The following SMAD3 variants were observed in gnomAD, a reference collection of about 807,000 sequenced individuals.
SMAD3 encodes MAD homolog 3.
Under a neutral mutation model 51.8 loss-of-function variants are expected in SMAD3, and 12 were observed. The observed-to-expected ratio is 0.23, with a 90% CI of 0.15 to 0.38. The LOEUF is 0.38. SMAD3 is among the 10% of genes least tolerant of loss of function. The probability of loss-of-function intolerance (pLI) is 1.00; values close to 1 mark genes in which losing one functional copy is unlikely to be tolerated. For synonymous variants in SMAD3, 238 were observed against 227.7 expected, an observed-to-expected ratio of 1.05 and a Z score of -0.41; for missense variants, 294 against 565.6, an observed-to-expected ratio of 0.52 and a Z score of 4.87.
intron 7 of SMAD3, among the ~76,000 whole-genome samples, chr15:67,185,698 C>T (rs150921507): frequency 2.6e-5 from 4 of 152,230 alleles, no homozygotes; most frequent in East Asian, 1.9e-4. Context: ...GACAGGGCCA[C>T]GCCTGGACAG....
chr15:67,115,772 G>A (rs1961121070), intron 1 of SMAD3, among the ~76,000 whole-genome samples: 1 of 152,246 alleles, frequency 6.6e-6, no homozygotes, highest in Admixed American at 6.5e-5. Context: ...GGATATAGTA[G>A]TGAGCAAAGA....
chr15:67,109,056 G>C (rs776140351), intron 1 of SMAD3, among the ~76,000 whole-genome samples: 2 of 152,168 alleles, frequency 1.3e-5, no homozygotes, highest in Non-Finnish European at 2.9e-5. Flanking sequence ...ATTCGTCTTC[G>C]TGTCTCTGGA....
chr15:67,065,629 C>A lies in SMAD3; in HGVS notation c.-526C>A, dbSNP rs1285500983. On this transcript the variant is annotated 5_prime_UTR_variant, in exon 1 of 9. Coordinates refer to ENST00000327367, the MANE Select transcript of SMAD3 (RefSeq NM_005902.4). ...AACACAGACTGGGAGCGGGCGGGAG[C>A]GGGAGCGCGGCGCACGCCCCGGGCC... Among the ~76,000 whole-genome samples the A allele has an allele frequency of 6.8e-6, 1 of 148,114 alleles. No homozygotes were observed. The highest frequency in any genetic ancestry group is 6.6e-5 in the Admixed American group (1 of 15,044).
intron 1 of SMAD3, among the ~76,000 whole-genome samples, chr15:67,155,475 A>G (rs1335526147): frequency 6.6e-6 from 1 of 152,226 alleles, no homozygotes; most frequent in Admixed American, 6.5e-5. Flanking sequence ...TGCGTATTAA[A>G]GAGCAGCAGA....
At chr15:67,072,228 G>T (rs150983206) in intron 1 of SMAD3, among the ~76,000 whole-genome samples, 3 of 152,134 alleles carry the variant, frequency 2.0e-5, no homozygotes, top group Non-Finnish European at 4.4e-5. Context: ...TGAACTGAGC[G>T]ACCATTAATT....
chr15:67,069,358 C>T (rs1960001137), intron 1 of SMAD3, among the ~76,000 whole-genome samples: 1 of 152,184 alleles, frequency 6.6e-6, no homozygotes, highest in Non-Finnish European at 1.5e-5. Flanking sequence ...CCTCTCATGC[C>T]TCACCTGCTT....
chr15:67,145,829 C>A (rs1393934868), intron 1 of SMAD3, among the ~76,000 whole-genome samples: 3 of 152,178 alleles, frequency 2.0e-5, no homozygotes, highest in Non-Finnish European at 4.4e-5. Flanking sequence ...CCTGTTGTTT[C>A]CACCGTGTCT....
intron 1 of SMAD3, among the ~76,000 whole-genome samples, chr15:67,066,723 G>A (rs146298603): frequency 0.019 from 2,906 of 152,232 alleles, 36 homozygotes; most frequent in Non-Finnish European, 0.03. Context: ...TCCGCGGGCC[G>A]GAGCCCCTCC....
intron 1 of SMAD3, among the ~76,000 whole-genome samples, chr15:67,095,899 A>G (rs1343712551): frequency 6.6e-6 from 1 of 152,186 alleles, no homozygotes; most frequent in Non-Finnish European, 1.5e-5. Flanking sequence ...GATAGAGGAG[A>G]TGTGGGCAGC....
chr15:67,134,632 G>T (rs751340820), intron 1 of SMAD3, among the ~76,000 whole-genome samples: 1 of 152,176 alleles, frequency 6.6e-6, no homozygotes, highest in Non-Finnish European at 1.5e-5. Flanking sequence ...AGCCCCTTGG[G>T]CTTTCTTTCC....
intron 1 of SMAD3, among the ~76,000 whole-genome samples, chr15:67,092,859 A>C (rs1452814968): frequency 6.6e-6 from 1 of 152,156 alleles, no homozygotes; most frequent in East Asian, 1.9e-4. Context: ...ACGATGTTCC[A>C]TATATGTTGG....
intron 1 of SMAD3, among the ~76,000 whole-genome samples, chr15:67,123,382 C>G (rs1961312952): frequency 6.6e-6 from 1 of 151,582 alleles, no homozygotes; most frequent in African/African-American, 2.4e-5. Context: ...GCCCGTAATC[C>G]CAGCTACTCG....
At chr15:67,121,240 C>G (rs912756674) in intron 1 of SMAD3, among the ~76,000 whole-genome samples, 1 of 152,216 alleles carries the variant, frequency 6.6e-6, no homozygotes, top group Non-Finnish European at 1.5e-5. Context: ...GGGATTTCCA[C>G]GCGGCCCCAG....
chr15:67,149,305 A>AGACAG (rs1962062820), intron 1 of SMAD3, among the ~76,000 whole-genome samples: 1 of 152,134 alleles, frequency 6.6e-6, no homozygotes, highest in Non-Finnish European at 1.5e-5. Flanking sequence ...AGGCCTGTCT[A>AGACAG]GGAAGTGGGG....
chr15:67,107,530 G>T (rs919304075), intron 1 of SMAD3, among the ~76,000 whole-genome samples: 1 of 152,212 alleles, frequency 6.6e-6, no homozygotes, highest in South Asian at 2.1e-4. Context: ...GATGAAGTCC[G>T]TCATTCGGCT....
intron 1 of SMAD3, 107 bp downstream of exon 1, chr15:67,066,467 G>C: frequency 5.5e-6 from 5 of 906,258 alleles, no homozygotes; most frequent in Non-Finnish European, 8.7e-6. Flanking sequence ...GAGAGGGAGG[G>C]AGTGAGACTG....
chr15:67,170,495 A>G, intron 4 of SMAD3, 59 bp from the exon 5 acceptor site: 1 of 1,397,950 alleles, frequency 7.2e-7, no homozygotes, highest in Non-Finnish European at 1.0e-6. Flanking sequence ...GTGTTTAGTA[A>G]CTTGGCTCTC....
At chr15:67,171,291 A>T (rs1401588453) in intron 5 of SMAD3, among the ~76,000 whole-genome samples, 1 of 152,078 alleles carries the variant, frequency 6.6e-6, no homozygotes, top group East Asian at 1.9e-4. Context: ...GATGTTTTGG[A>T]GTGGAGGGTC....
At chr15:67,073,837 G>T (rs1336672526) in intron 1 of SMAD3, among the ~76,000 whole-genome samples, 1 of 152,158 alleles carries the variant, frequency 6.6e-6, no homozygotes, top group Non-Finnish European at 1.5e-5. Flanking sequence ...ACCACACCCG[G>T]CTAATTTTGT....
Sources: gnomAD v4.1 joint callset for allele counts (sites outside exome capture counted in the v4.1 genomes callset) on GRCh38, gnomAD v4.1.1 for gene constraint, MANE v1.5 for transcripts, NCBI Gene and HGNC (gene_info 2026-07-23, HGNC 2026-07-21) for gene names.